The following GMDS variants were observed in gnomAD, a reference collection of about 807,000 sequenced individuals.
GMDS encodes the protein GDP-mannose 4,6-dehydratase, also known as GDP-mannose 4,6 dehydratase.
In GMDS, 20 loss-of-function variants were observed where a neutral mutation model predicts 49.9. The observed-to-expected ratio is 0.40, with a 90% CI of 0.28 to 0.58. The LOEUF is 0.58. GMDS is among the 20% of genes least tolerant of loss of function. GMDS has a pLI of 0.42. For missense variants in GMDS, 362 were observed against 481.4 expected (o/e 0.75, Z 2.32); for synonymous variants, 177 against 178.6 (o/e 0.99, Z 0.07).
intron 4 of GMDS, among the ~76,000 whole-genome samples, chr6:2,006,712 T>C (rs1767205541): frequency 6.6e-6 from 1 of 152,218 alleles, no homozygotes; most frequent in Admixed American, 6.5e-5. Context: ...TTTTCCATTC[T>C]GTAACCAAAA....
At chr6:2,113,885 G>T (rs115704234) in intron 4 of GMDS, among the ~76,000 whole-genome samples, 1 of 151,964 alleles carries the variant, frequency 6.6e-6, no homozygotes, top group South Asian at 2.1e-4. Context: ...TGCCATTTCC[G>T]CCCATTAACT....
chr6:1,676,678 G>T (rs969302651), intron 9 of GMDS, among the ~76,000 whole-genome samples: 1 of 152,128 alleles, frequency 6.6e-6, no homozygotes, highest in Admixed American at 6.6e-5. Context: ...ACAAGAAATG[G>T]GGAAAGGATT....
At chr6:1,724,923 G>A (rs1193162427) in intron 9 of GMDS, among the ~76,000 whole-genome samples, 3 of 152,188 alleles carry the variant, frequency 2.0e-5, no homozygotes, top group African/African-American at 7.2e-5. Flanking sequence ...CCTCTCCCAA[G>A]CACTGGTTAC....
At chr6:1,710,916 T>G (rs545243725) in intron 9 of GMDS, among the ~76,000 whole-genome samples, 1 of 152,262 alleles carries the variant, frequency 6.6e-6, no homozygotes, top group Non-Finnish European at 1.5e-5. Flanking sequence ...ATTATACCAA[T>G]GACAGTTTTA....
At chr6:1,633,976 C>A (rs764405825) in intron 9 of GMDS, among the ~76,000 whole-genome samples, 1 of 152,162 alleles carries the variant, frequency 6.6e-6, no homozygotes, top group Non-Finnish European at 1.5e-5. Flanking sequence ...TTTCTGGTGC[C>A]AATTTTTGAA....
At chr6:1,675,100 G>A (rs1015684588) in intron 9 of GMDS, among the ~76,000 whole-genome samples, 10 of 151,860 alleles carry the variant, frequency 6.6e-5, no homozygotes, top group African/African-American at 2.4e-4. Flanking sequence ...ACCACGCCTG[G>A]CTAATTTTGT....
intron 7 of GMDS, among the ~76,000 whole-genome samples, chr6:1,865,994 G>T (rs1758425921): frequency 6.6e-6 from 1 of 152,140 alleles, no homozygotes; most frequent in African/African-American, 2.4e-5. Flanking sequence ...CTGTGGTAAA[G>T]GATGTTATGG....
chr6:2,141,812 G>A (rs1298159392), intron 1 of GMDS, among the ~76,000 whole-genome samples: 7 of 151,986 alleles, frequency 4.6e-5, no homozygotes, highest in East Asian at 1.9e-4. Context: ...GACTCAGCAC[G>A]GCTGCGACCT....
chr6:1,673,209 C>G (rs773187729), intron 9 of GMDS, among the ~76,000 whole-genome samples: 1 of 152,094 alleles, frequency 6.6e-6, no homozygotes, highest in East Asian at 1.9e-4. Context: ...CTCAGCTGAC[C>G]GATGCCTGCA....
chr6:1,625,538 C>T (rs962236744), intron 9 of GMDS: 6 of 152,218 alleles, frequency 3.9e-5, no homozygotes, highest in African/African-American at 1.4e-4. Context: ...AGAGGCTTCC[C>T]TGGAAGGAAG....
intron 4 of GMDS, among the ~76,000 whole-genome samples, chr6:1,966,657 A>G (rs1764275570): frequency 6.6e-6 from 1 of 152,150 alleles, no homozygotes. Context: ...AATGGGCCCA[A>G]AGGCCCACCT....
chr6:1,944,453 C>A (rs537902209), intron 6 of GMDS, among the ~76,000 whole-genome samples: 251 of 151,702 alleles, frequency 1.7e-3, no homozygotes, highest in African/African-American at 5.6e-3. Context: ...TGCAGTGAGC[C>A]GAGATGGCGC....
chr6:2,136,448 G>A (rs879513472), intron 1 of GMDS, among the ~76,000 whole-genome samples: 3 of 152,210 alleles, frequency 2.0e-5, no homozygotes, highest in Non-Finnish European at 2.9e-5. Context: ...CAGGCGTGGT[G>A]GCTCCTTCCT....
chr6:1,725,343 A>G (rs192157450), intron 9 of GMDS, among the ~76,000 whole-genome samples: 18 of 152,368 alleles, frequency 1.2e-4, no homozygotes, highest in Middle Eastern at 3.4e-3. Context: ...CCATTTTGTA[A>G]CACAGGAAGT....
intron 9 of GMDS, among the ~76,000 whole-genome samples, chr6:1,643,574 C>T (rs1284183581): frequency 6.6e-6 from 1 of 152,038 alleles, no homozygotes; most frequent in Non-Finnish European, 1.5e-5. Context: ...ACACCTATAG[C>T]TAGGTGGGGA....
intron 4 of GMDS, among the ~76,000 whole-genome samples, chr6:1,999,307 C>T (rs113665792): frequency 0.027 from 2,910 of 107,786 alleles, 65 homozygotes; most frequent in South Asian, 0.13. Flanking sequence ...GGTGACAGAG[C>T]GAGACTCTGT....
At chr6:2,061,247 G>A (rs911514551) in intron 4 of GMDS, among the ~76,000 whole-genome samples, 29 of 151,994 alleles carry the variant, frequency 1.9e-4, no homozygotes, top group African/African-American at 7.0e-4. Flanking sequence ...CTTGTTCACC[G>A]CCTTTACCAC....
intron 7 of GMDS, among the ~76,000 whole-genome samples, chr6:1,745,380 CTTGA>C (rs1561776173): frequency 2.3e-5 from 3 of 130,070 alleles, no homozygotes; most frequent in Non-Finnish European, 1.7e-5. Context: ...CTTGGAGAAA[CTTGA>C]CTGTTGGCTA....
chr6:2,030,158 G>T (rs1768863191), intron 4 of GMDS, among the ~76,000 whole-genome samples: 1 of 152,166 alleles, frequency 6.6e-6, no homozygotes, highest in Admixed American at 6.5e-5. Context: ...ATCACTGCTG[G>T]TTACTGTCCA....
Sources: allele counts gnomAD v4.1 joint callset (sites outside exome capture counted in the v4.1 genomes callset), GRCh38; gene constraint gnomAD v4.1.1; transcripts MANE v1.5; gene names NCBI Gene and HGNC (gene_info 2026-07-23, HGNC 2026-07-21).